TASP1: variants seen among roughly 807,000 people sequenced by gnomAD.
TASP1 encodes the protein taspase 1.
Under a neutral mutation model 56.6 loss-of-function variants are expected in TASP1, and 16 were observed. The observed-to-expected ratio is 0.28, with a 90% CI of 0.19 to 0.43. TASP1 has a LOEUF of 0.43. Ranked by LOEUF, TASP1 falls within the 20% of genes least tolerant of loss-of-function variation. The probability of loss-of-function intolerance (pLI) is 1.00; values close to 1 mark genes in which losing one functional copy is unlikely to be tolerated. For missense variants in TASP1, 393 were observed against 511.6 expected, an observed-to-expected ratio of 0.77 and a Z score of 2.24; for synonymous variants, 179 against 184.2, an observed-to-expected ratio of 0.97 and a Z score of 0.23.
intron 11 of TASP1, among the ~76,000 whole-genome samples, chr20:13,474,237 G>C (rs145383874): frequency 1.3e-5 from 2 of 152,264 alleles, no homozygotes; most frequent in East Asian, 3.9e-4. Flanking sequence ...CCTGTCACCT[G>C]AGCGGTATAT....
chr20:13,212,082 A>C, the TASP1 span, among the ~76,000 whole-genome samples: 2 of 152,174 alleles, frequency 1.3e-5, no homozygotes, highest in African/African-American at 4.8e-5. Flanking sequence ...TGCATTCAAC[A>C]TACCCATTTC....
intron 9 of TASP1, among the ~76,000 whole-genome samples, chr20:13,530,269 T>C (rs1411382328): frequency 3.3e-5 from 5 of 152,106 alleles, no homozygotes; most frequent in African/African-American, 9.7e-5. Flanking sequence ...CTCTTAAAAT[T>C]AGAAGCAAGA....
At chr20:13,194,652 C>T in the TASP1 span, among the ~76,000 whole-genome samples, 1 of 151,894 alleles carries the variant, frequency 6.6e-6, no homozygotes, top group Non-Finnish European at 1.5e-5. Flanking sequence ...GAGAGTGACT[C>T]ATGCTCACAT....
the TASP1 span, chr20:13,132,939 G>A: frequency 0.043 from 6,652 of 153,358 alleles, 176 homozygotes; most frequent in African/African-American, 0.075. Flanking sequence ...CCTGTCCCCC[G>A]CCTGTCCTCT....
At chr20:13,358,023 G>T in the TASP1 span, among the ~76,000 whole-genome samples, 40 of 152,254 alleles carry the variant, frequency 2.6e-4, no homozygotes, top group Non-Finnish European at 5.4e-4. Context: ...CCCCACAAAA[G>T]AAGTGTAAAT....
the TASP1 span, among the ~76,000 whole-genome samples, chr20:13,223,685 T>A: frequency 1.8e-4 from 28 of 152,344 alleles, no homozygotes; most frequent in African/African-American, 6.3e-4. Flanking sequence ...CGTGGGTAGA[T>A]AAGTACAGTG....
chr20:13,231,373 A>C, the TASP1 span, among the ~76,000 whole-genome samples: 1 of 152,228 alleles, frequency 6.6e-6, no homozygotes, highest in African/African-American at 2.4e-5. Context: ...GATGGGCTGC[A>C]AAGGTCACGC....
intron 10 of TASP1, among the ~76,000 whole-genome samples, chr20:13,492,206 T>C (rs1056637685): frequency 6.6e-6 from 1 of 152,204 alleles, no homozygotes; most frequent in African/African-American, 2.4e-5. Flanking sequence ...ATTTATGTCA[T>C]CTTATAAATG....
At chr20:13,124,214 A>G in the TASP1 span, among the ~76,000 whole-genome samples, 1 of 152,038 alleles carries the variant, frequency 6.6e-6, no homozygotes, top group Non-Finnish European at 1.5e-5. Context: ...GACTAGCCTT[A>G]TGGTCCCTTT....
At chr20:13,164,720 C>A in the TASP1 span, 2 of 1,555,654 alleles carry the variant, frequency 1.3e-6, no homozygotes, top group Admixed American at 1.7e-5. Flanking sequence ...CTTAGGTGTT[C>A]AATGATAGCT....
chr20:13,159,002 A>G, the TASP1 span, among the ~76,000 whole-genome samples: 1 of 152,250 alleles, frequency 6.6e-6, no homozygotes, highest in African/African-American at 2.4e-5. Context: ...CTTATGGGTA[A>G]AGTCACTCAG....
At chr20:13,123,658 C>A in the TASP1 span, among the ~76,000 whole-genome samples, 3 of 152,198 alleles carry the variant, frequency 2.0e-5, no homozygotes, top group African/African-American at 7.2e-5. Flanking sequence ...TTCTCCCTCT[C>A]TTCCCAATTG....
chr20:13,414,902 C>T (rs1206268812), intron 13 of TASP1, among the ~76,000 whole-genome samples: 14 of 151,922 alleles, frequency 9.2e-5, no homozygotes, highest in Admixed American at 8.5e-4. Context: ...TGATTATTAT[C>T]CAGCCTTTTC....
At chr20:13,168,331 G>A in the TASP1 span, 1 of 152,192 alleles carries the variant, frequency 6.6e-6, no homozygotes, top group African/African-American at 2.4e-5. Flanking sequence ...TTACAGGCAT[G>A]TGCCACCAAG....
intron 8 of TASP1, among the ~76,000 whole-genome samples, chr20:13,541,943 G>C (rs1203014800): frequency 6.6e-6 from 1 of 151,668 alleles, no homozygotes; most frequent in Non-Finnish European, 1.5e-5. Context: ...TACTCGGGAG[G>C]CTGAGGCAGG....
chr20:13,434,199 T>C (rs2042925583), intron 12 of TASP1, among the ~76,000 whole-genome samples: 2 of 152,168 alleles, frequency 1.3e-5, no homozygotes, highest in South Asian at 4.2e-4. Context: ...TTGTGATAAT[T>C]CATCAAGCAG....
At chr20:13,283,491 G>A in the TASP1 span, among the ~76,000 whole-genome samples, 1 of 152,162 alleles carries the variant, frequency 6.6e-6, no homozygotes, top group South Asian at 2.1e-4. Context: ...AATCCTAGGT[G>A]AAATACATGT....
chr20:13,557,494 A>G (rs1003497954), intron 8 of TASP1, among the ~76,000 whole-genome samples: 4 of 147,710 alleles, frequency 2.7e-5, no homozygotes, highest in Non-Finnish European at 4.5e-5. Flanking sequence ...TGATAGGTGT[A>G]TGGTTTACAT....
chr20:13,295,312 A>G, the TASP1 span, among the ~76,000 whole-genome samples: 9 of 152,150 alleles, frequency 5.9e-5, no homozygotes, highest in South Asian at 2.1e-4. Context: ...ATAGCTCACT[A>G]TCACTCACAA....
Sources: gnomAD v4.1 joint callset for allele counts (sites outside exome capture counted in the v4.1 genomes callset) on GRCh38, gnomAD v4.1.1 for gene constraint, MANE v1.5 for transcripts, NCBI Gene and HGNC (gene_info 2026-07-23, HGNC 2026-07-21) for gene names.